Variants in PLEKHG1 observed in about 807,000 individuals in gnomAD.
PLEKHG1 encodes pleckstrin homology domain-containing family G member 1.
Under a neutral mutation model 100.8 loss-of-function variants are expected in PLEKHG1, and 44 were observed. The observed-to-expected ratio is 0.44, with a 90% CI of 0.34 to 0.56. PLEKHG1 has a LOEUF of 0.56. PLEKHG1 is among the 20% of genes least tolerant of loss of function. The pLI is 0.01. For synonymous variants in PLEKHG1, 640 were observed against 662.5 expected (o/e 0.97, Z 0.52); for missense variants, 1,545 against 1,720.9 (o/e 0.90, Z 1.81).
intron 1 of PLEKHG1, among the ~76,000 whole-genome samples, chr6:150,607,619 A>G (rs1434423672): frequency 2.0e-5 from 3 of 152,206 alleles, no homozygotes; most frequent in Non-Finnish European, 4.4e-5. Context: ...TGAAGGTCAG[A>G]GTCAAAGATC....
Position 150,831,697 on chromosome 6 carries a change from T to C in PLEKHG1, c.2586T>C (p.Pro862=), listed in dbSNP as rs138610503. The change falls in exon 15 of 16, where the codon CCT becomes CCC. Residue 862 remains proline, a synonymous_variant. Coordinates refer to ENST00000358517, the Ensembl canonical transcript of PLEKHG1. The surrounding 1 kb of genome is among the most constrained non-coding windows in gnomAD (Gnocchi z 4.1). ...GAGACCGTCTCCTGGCAGCGTTTCC[T>C]GTGAGCAAGGATGATGTGCCAGACA... The C allele has an allele frequency of 1.2e-6, 2 of 1,613,112 alleles. No homozygotes were observed. Among genetic ancestry groups the C allele is most frequent in the Non-Finnish European group, 1.7e-6 (2 of 1,180,028 alleles).
intron 10 of PLEKHG1, among the ~76,000 whole-genome samples, chr6:150,815,065 C>A (rs1297513401): frequency 6.6e-6 from 1 of 152,212 alleles, no homozygotes; most frequent in Non-Finnish European, 1.5e-5. Context: ...ATAATGTAAT[C>A]ATAATTTTCT....
chr6:150,622,652 C>T (rs1054304917), intron 1 of PLEKHG1, among the ~76,000 whole-genome samples: 2 of 152,186 alleles, frequency 1.3e-5, no homozygotes, highest in African/African-American at 4.8e-5. Context: ...TCTGACGGAT[C>T]CCCTAATCAC....
In PLEKHG1 at chr6:150,840,880, C is replaced by G. The variant is rs1224233270; in HGVS notation, c.4142C>G (p.Ser1381Ter). 7 of 1,609,958 alleles carry G rather than the reference C, an allele frequency of 4.3e-6. No individual in the cohort carries two copies. Among genetic ancestry groups the G allele is most frequent in the Non-Finnish European group, 5.1e-6 (6 of 1,177,246 alleles). ...AGGGAAAAATTTCAGTGTCTCAGTT[C>G]AAGCAGCTTTGCTTAAGGTTCTTCA... Residue 1381 changes from serine (S) to a stop codon, truncating the protein, a stop_gained, in exon 16 of 16, where the codon TCA becomes TGA. Transcript: ENST00000358517. LOFTEE classifies it high-confidence loss of function.
exon 16 of PLEKHG1, chr6:150,840,775 C>T: frequency 2.5e-6 from 4 of 1,614,114 alleles, no homozygotes; most frequent in Non-Finnish European, 3.4e-6. Context: ...TATCTGACAC[C>T]ATATAATGAT....
At chr6:150,668,050 G>C (rs1283856360) in intron 3 of PLEKHG1, among the ~76,000 whole-genome samples, 2 of 152,232 alleles carry the variant, frequency 1.3e-5, no homozygotes, top group Non-Finnish European at 2.9e-5. Context: ...ATATGAAAGT[G>C]AAGATTGATG....
chr6:150,729,789 G>A (rs1226916408), intron 1 of PLEKHG1, among the ~76,000 whole-genome samples: 1 of 152,148 alleles, frequency 6.6e-6, no homozygotes, highest in Non-Finnish European at 1.5e-5. Flanking sequence ...AGGCCTGTAC[G>A]TGGACTGGCA....
At chr6:150,821,125 T>C (rs803387) in intron 12 of PLEKHG1, 70 bp from the exon 14 acceptor site, 239,440 of 1,215,694 alleles carry the variant, frequency 0.2, 26,798 homozygotes, top group Middle Eastern at 0.27. Flanking sequence ...CTCATAATCC[T>C]CTTATAAAGA....
chr6:150,738,244 C>A (rs1782679242), intron 2 of PLEKHG1, among the ~76,000 whole-genome samples: 1 of 152,196 alleles, frequency 6.6e-6, no homozygotes, highest in South Asian at 2.1e-4. Context: ...CTCCTCCCAA[C>A]TTAATTACCC....
chr6:150,750,337 G>A (rs889009010), intron 2 of PLEKHG1, among the ~76,000 whole-genome samples: 1 of 152,156 alleles, frequency 6.6e-6, no homozygotes, highest in Non-Finnish European at 1.5e-5. Flanking sequence ...CACCTGGGGA[G>A]CTTGTACAAT....
At position 150,683,167 on chromosome 6, in the gene PLEKHG1, C is replaced by CA. The variant is rs2128589903; in HGVS notation, c.-99+32381_-99+32382insA. Among the ~76,000 whole-genome samples, 1 of 152,324 alleles carries CA rather than the reference C, an allele frequency of 6.6e-6. No individual in the cohort carries two copies. The highest frequency in any genetic ancestry group is 1.9e-4 in the East Asian group (1 of 5,188). ...GACACATGGCCCGAGTCAACCTTAT[C>CA]CTCTGTAGAGGGCAGATGGGGACAG... is the stretch of plus-strand genomic sequence containing the variant. On this transcript the variant is annotated intron_variant, in intron 3 of 3. Coordinates refer to the PLEKHG1 transcript ENST00000367326. This position sits in a 1 kb window ranked among gnomAD's most constrained non-coding sequence, Gnocchi z 4.0.
chr6:150,730,156 A>G (rs1166844352), intron 1 of PLEKHG1, among the ~76,000 whole-genome samples: 9 of 152,120 alleles, frequency 5.9e-5, no homozygotes, highest in African/African-American at 1.9e-4. Context: ...ACAGTTTTCT[A>G]TTCTGGAGAG....
At chr6:150,827,580 C>T (rs1776685223) in intron 14 of PLEKHG1, 1 of 677,042 alleles carries the variant, frequency 1.5e-6, no homozygotes, top group Non-Finnish European at 2.7e-6. Flanking sequence ...CTGGCCAAAA[C>T]TGCTATTTTC....
exon 16 of PLEKHG1, chr6:150,842,721 GTTTGTTTGTTTTTTTCTTGA>G (rs1777580957): frequency 6.6e-6 from 1 of 152,096 alleles, no homozygotes; most frequent in African/African-American, 2.4e-5. Flanking sequence ...TGGTTTTTTT[GTTTGTTTGTTTTTTTCTTGA>G]GACTGAGTCT....
At chr6:150,747,619 G>A (rs776180806) in intron 2 of PLEKHG1, among the ~76,000 whole-genome samples, 12 of 150,482 alleles carry the variant, frequency 8.0e-5, no homozygotes, top group Non-Finnish European at 1.5e-4. Context: ...TTGGCCGGGC[G>A]TGGTGGCTCA....
At chr6:150,777,318 A>G (rs1279946186) in intron 3 of PLEKHG1, among the ~76,000 whole-genome samples, 7 of 136,716 alleles carry the variant, frequency 5.1e-5, no homozygotes, top group East Asian at 2.4e-4. Context: ...GCACATGTGC[A>G]GTTGCACATT....
intron 1 of PLEKHG1, among the ~76,000 whole-genome samples, chr6:150,623,965 A>G (rs1208074956): frequency 6.6e-6 from 1 of 152,234 alleles, no homozygotes; most frequent in African/African-American, 2.4e-5. Flanking sequence ...ATGTCACAGC[A>G]GTTGAGCTGG....
intron 3 of PLEKHG1, among the ~76,000 whole-genome samples, chr6:150,708,558 C>A (rs1203203064): frequency 6.6e-6 from 1 of 152,156 alleles, no homozygotes; most frequent in African/African-American, 2.4e-5. Context: ...CTACAAAGAC[C>A]CTTCTAGTCT....
intron 2 of PLEKHG1, among the ~76,000 whole-genome samples, chr6:150,737,944 C>T (rs1049931653): frequency 2.6e-5 from 4 of 151,866 alleles, no homozygotes; most frequent in African/African-American, 9.7e-5. Context: ...TCTAGGACTA[C>T]AGGTGCACAC....
Sources: allele counts gnomAD v4.1 joint callset (sites outside exome capture counted in the v4.1 genomes callset), GRCh38; gene constraint gnomAD v4.1.1; non-coding constraint Gnocchi (gnomAD v3.1); transcripts MANE v1.5; gene names NCBI Gene and HGNC (gene_info 2026-07-23, HGNC 2026-07-21).